Variants in TGDS observed in about 807,000 individuals in gnomAD.
The protein encoded by TGDS is TDP-glucose 4,6-dehydratase.
Under a neutral mutation model 52.3 loss-of-function variants are expected in TGDS, and 47 were observed. The ratio of observed to expected loss-of-function variants is 0.90; its 90% CI spans 0.71 to 1.15. The LOEUF is 1.15. Ranked by LOEUF, TGDS falls within the 50% of genes most tolerant of loss-of-function variation. TGDS has a pLI of 0.00. For missense variants in TGDS, 375 were observed against 418.4 expected, an observed-to-expected ratio of 0.90 and a Z score of 0.90; for synonymous variants, 115 against 136.9, an observed-to-expected ratio of 0.84 and a Z score of 1.12.
At chr13:94,592,343 A>G in intron 2 of TGDS, 34 bp from the exon 3 acceptor site, 1 of 1,535,160 alleles carries the variant, frequency 6.5e-7, no homozygotes, top group Non-Finnish European at 8.8e-7. Context: ...GGGCAACACA[A>G]AAAGTGACAT....
intron 7 of TGDS, among the ~76,000 whole-genome samples, chr13:94,578,986 T>A (rs931733605): frequency 2.0e-5 from 3 of 152,178 alleles, no homozygotes; most frequent in Non-Finnish European, 4.4e-5. Context: ...GAAGATAAAA[T>A]GATCTAAATA....
At chr13:94,578,309 G>A in intron 8 of TGDS, 139 bp from the exon 9 acceptor site, 1 of 885,872 alleles carries the variant, frequency 1.1e-6, no homozygotes, top group South Asian at 1.7e-5. Context: ...AATTCTCGTA[G>A]CTTTTCTAAA....
rs754703895 is a variant in TGDS, at chr13:94,578,155, T to G, written c.675A>C (p.Ser225=). 2 of 1,613,712 alleles carry G rather than the reference T, an allele frequency of 1.2e-6. No individual in the cohort carries two copies. Among genetic ancestry groups the G allele is most frequent in the Non-Finnish European group, 1.7e-6 (2 of 1,179,788 alleles). The change falls in exon 9 of 12, where the codon TCA becomes TCC. Residue 225 remains serine, a synonymous_variant. Coordinates refer to ENST00000261296, the MANE Select transcript of TGDS (RefSeq NM_014305.4). The part of the protein sequence containing the change: ...QHNRKCCIHG[S]GLQTRNFLYA... ...AAAGGAAGTTTCTTGTTTGAAGCCCTGACCCATGAATGCAACTAAAGAGAT... is the reference window on the plus strand; with the variant it reads ...AAAGGAAGTTTCTTGTTTGAAGCCCGGACCCATGAATGCAACTAAAGAGAT...
In TGDS at chr13:94,596,084, T is replaced by C. The variant is rs748516684; in HGVS notation, c.53A>G (p.Lys18Arg). ...AGCACCGCCGGTCACCAGGACCCGC[T>C]TCGCAAAGCCGCCGGGAAGACCCCA... ...EPWGLPGGFAKRVLVTGGAGF... is the reference protein window; with the variant it reads ...EPWGLPGGFARRVLVTGGAGF... Residue 18 changes from lysine to arginine, a missense_variant, in exon 1 of 12, where the codon AAG becomes AGG. Physicochemically the swap from Lys to Arg is conservative, Grantham distance 26. Transcript: ENST00000261296. 6.2e-7 allele frequency: 1 copy of C among 1,614,080 alleles called. No homozygotes were observed.
At position 94,574,155 on chromosome 13, in the gene TGDS, A is replaced by G. The variant is rs1269481402; in HGVS notation, c.*627T>C. 2.0e-5 allele frequency: 3 copies of G among 152,222 alleles called. No homozygotes were observed. The highest frequency in any genetic ancestry group is 4.4e-5 in the Non-Finnish European group (3 of 68,038). The allele number at this position is 152,222 out of a possible 1,614,324, so 9.4% of individuals were successfully genotyped here. On this transcript the variant is annotated 3_prime_UTR_variant, in exon 12 of 12. Coordinates refer to ENST00000261296, the MANE Select transcript of TGDS (RefSeq NM_014305.4). The stretch of plus-strand genomic sequence containing the variant: ...CATTAAGATATTGACAATTTTATAA[A>G]TACAATCATTTTAAACAGTAAACAT...
chr13:94,574,635 C>T lies in TGDS; in HGVS notation c.*147G>A. Reference sequence around the variant, plus strand: ...ACTGAAACTCTCCCAAAGATTGAGGCATTCTGCATTTGAATTTTATACAGA... The same window carrying T: ...ACTGAAACTCTCCCAAAGATTGAGGTATTCTGCATTTGAATTTTATACAGA... On this transcript the variant is annotated 3_prime_UTR_variant, in exon 12 of 12. Coordinates refer to ENST00000261296, the MANE Select transcript of TGDS (RefSeq NM_014305.4). The T allele has an allele frequency of 1.8e-6, 1 of 551,014 alleles. No individual in the cohort carries two copies. Among genetic ancestry groups the T allele is most frequent in the Non-Finnish European group, 3.2e-6 (1 of 309,658 alleles). 34.1% of individuals were successfully genotyped at this position (551,014 alleles called of 1,614,324 possible).
chr13:94,588,269 C>T (rs1346885579), intron 4 of TGDS, among the ~76,000 whole-genome samples: 1 of 149,602 alleles, frequency 6.7e-6, no homozygotes, highest in Non-Finnish European at 1.5e-5. Flanking sequence ...ATCAAAAATA[C>T]AAAATTAGCT....
At chr13:94,591,968 G>A (rs1566965577) in intron 3 of TGDS, among the ~76,000 whole-genome samples, 1 of 152,138 alleles carries the variant, frequency 6.6e-6, no homozygotes, top group Non-Finnish European at 1.5e-5. Context: ...GAAAGACTAG[G>A]GAGGAACTAA....
In TGDS at chr13:94,574,743, T is replaced by C; in HGVS notation, c.*39A>G. The C allele has an allele frequency of 3.0e-6, 4 of 1,355,284 alleles. No individual in the cohort carries two copies. The highest frequency in any genetic ancestry group is 1.9e-5 in the Admixed American group (1 of 52,386). The allele number at this position is 1,355,284 out of a possible 1,614,324, so 84.0% of individuals were successfully genotyped here. ...ATACCACTTGGCGAGGTAGGATAACTTTCTTCTTTGACAACTGTCTCGACT... is the reference window on the plus strand; with the variant it reads ...ATACCACTTGGCGAGGTAGGATAACCTTCTTCTTTGACAACTGTCTCGACT... On this transcript the variant is annotated 3_prime_UTR_variant, in exon 12 of 12. Transcript: ENST00000261296.
chr13:94,575,723 G>C (rs1417232373), intron 11 of TGDS, among the ~76,000 whole-genome samples: 1 of 152,010 alleles, frequency 6.6e-6, no homozygotes, highest in African/African-American at 2.4e-5. Context: ...TGTATTTCAA[G>C]CTCTGAATCA....
intron 8 of TGDS, among the ~76,000 whole-genome samples, chr13:94,578,374 G>GGCAA: frequency 6.6e-6 from 1 of 152,086 alleles, no homozygotes; most frequent in East Asian, 1.9e-4. Context: ...GTAGGAAAGT[G>GGCAA]ACCCCTGTGA....
chr13:94,590,342 T>C (rs1320986413), intron 4 of TGDS, among the ~76,000 whole-genome samples: 1 of 151,686 alleles, frequency 6.6e-6, no homozygotes, highest in African/African-American at 2.4e-5. Flanking sequence ...AATCTGGTAA[T>C]AGGCAGCAGT....
chr13:94,586,551 A>G (rs1888989600), intron 4 of TGDS, among the ~76,000 whole-genome samples: 1 of 152,212 alleles, frequency 6.6e-6, no homozygotes, highest in Non-Finnish European at 1.5e-5. Flanking sequence ...CATTCTTTTC[A>G]ATACACACAC....
chr13:94,577,232 A>T (rs1453875826), intron 10 of TGDS, 139 bp downstream of exon 10: 1 of 585,822 alleles, frequency 1.7e-6, no homozygotes, highest in Non-Finnish European at 2.8e-6. Flanking sequence ...TTTGTATGGT[A>T]CTTACGATTA....
At position 94,578,758 on chromosome 13, in the gene TGDS, T is replaced by C. The variant is rs1888691025; in HGVS notation, c.631A>G (p.Ile211Val). ...QYPEKVIPKFISLLQHNRKCC... is the reference protein window; with the variant it reads ...QYPEKVIPKFVSLLQHNRKCC... ...TTCCTGTTGTGCTGTAGCAAAGATA[T>C]AAATTTTGGAATAACCTAAAAGAAT... The change falls in exon 8 of 12, where the codon ATA becomes GTA. Residue 211 changes from isoleucine to valine, a missense_variant. Transcript: ENST00000261296. 3 of 1,524,224 alleles carry C rather than the reference T, an allele frequency of 2.0e-6. No homozygotes were observed. Among genetic ancestry groups the C allele is most frequent in the East Asian group, 4.5e-5 (2 of 44,032 alleles). 94.4% of individuals were successfully genotyped at this position (1,524,224 alleles called of 1,614,324 possible). A position where few individuals can be genotyped will look rare whatever the true frequency, so the allele number is the denominator to read the frequency against.
intron 11 of TGDS, 97 bp downstream of exon 11, chr13:94,576,217 C>A (rs749639821): frequency 1.4e-6 from 1 of 738,090 alleles, no homozygotes; most frequent in Non-Finnish European, 2.1e-6. Context: ...AATGATTCAA[C>A]ACAATATTCC....
At chr13:94,587,307 A>C (rs374257116) in intron 4 of TGDS, among the ~76,000 whole-genome samples, 1 of 152,244 alleles carries the variant, frequency 6.6e-6, no homozygotes. Context: ...ACAAACACGC[A>C]TAAGAAAAGA....
At position 94,574,173 on chromosome 13, in the gene TGDS, G is replaced by A. The variant is rs1181541417; in HGVS notation, c.*609C>T. 1 of 151,906 alleles carries A rather than the reference G, an allele frequency of 6.6e-6. No individual in the cohort carries two copies. The highest frequency in any genetic ancestry group is 2.4e-5 in the African/African-American group (1 of 41,362). The allele number at this position is 151,906 out of a possible 1,614,324, so 9.4% of individuals were successfully genotyped here. A position where few individuals can be genotyped will look rare whatever the true frequency, so the allele number is the denominator to read the frequency against. On this transcript the variant is annotated 3_prime_UTR_variant, in exon 12 of 12. Coordinates refer to ENST00000261296, the MANE Select transcript of TGDS (RefSeq NM_014305.4). ...TTTATAAATACAATCATTTTAAACA[G>A]TAAACATGATAAATTTCTGATACAA...
chr13:94,574,691 G>T lies in TGDS; in HGVS notation c.*91C>A. The T allele has an allele frequency of 1.5e-6, 1 of 675,484 alleles. No homozygotes were observed. 41.8% of individuals were successfully genotyped at this position (675,484 alleles called of 1,614,324 possible). A position where few individuals can be genotyped will look rare whatever the true frequency, so the allele number is the denominator to read the frequency against. ...ATGAATCTAATTCCAAAAGAAAAGA[G>T]TGCACTTCATTTGGTCACTTAATTT... is the stretch of plus-strand genomic sequence containing the variant. On this transcript the variant is annotated 3_prime_UTR_variant, in exon 12 of 12. Transcript: ENST00000261296.
Sources: allele counts gnomAD v4.1 joint callset (sites outside exome capture counted in the v4.1 genomes callset), GRCh38; gene constraint gnomAD v4.1.1; transcripts MANE v1.5; gene names NCBI Gene and HGNC (gene_info 2026-07-23, HGNC 2026-07-21).